The following DSCAM variants were observed in gnomAD, a reference collection of about 807,000 sequenced individuals.
DSCAM encodes the protein cell adhesion molecule DSCAM.
DSCAM carries 47 observed loss-of-function variants against 217.7 expected under a neutral mutation model. That is an observed-to-expected ratio of 0.22 (90% confidence interval 0.17 to 0.28). DSCAM has a LOEUF of 0.28. Among genes scored for constraint, DSCAM ranks in the 10% least tolerant of loss-of-function variants. DSCAM has a pLI of 1.00. For missense variants in DSCAM, 2,080 were observed against 2,618.3 expected (o/e 0.79, Z 4.49); for synonymous variants, 1,056 against 1,015.3 (o/e 1.04, Z -0.76).
chr21:40,428,398 G>A (rs1244130695), intron 3 of DSCAM, among the ~76,000 whole-genome samples: 1 of 151,856 alleles, frequency 6.6e-6, no homozygotes, highest in East Asian at 1.9e-4. Flanking sequence ...AGCCTCCAGA[G>A]TAACTGGGAT....
intron 3 of DSCAM, among the ~76,000 whole-genome samples, chr21:40,462,194 A>C (rs1005474566): frequency 6.6e-6 from 1 of 152,210 alleles, no homozygotes; most frequent in African/African-American, 2.4e-5. Flanking sequence ...GGAATATAGG[A>C]GATCCCAGCC....
chr21:40,380,207 G>A lies in DSCAM; in HGVS notation c.509-10962C>T, dbSNP rs576235653. On this transcript the variant is annotated intron_variant, in intron 3 of 32. Coordinates refer to ENST00000400454, the MANE Select transcript of DSCAM (RefSeq NM_001389.5). ...TATACCTAATTACCCTATTTAGTTTGTTAATGATCAGATCTTTGTGCAGAT... is the reference window on the plus strand; with the variant it reads ...TATACCTAATTACCCTATTTAGTTTATTAATGATCAGATCTTTGTGCAGAT... 2.0e-5 allele frequency among the ~76,000 whole-genome samples: 3 copies of A among 152,302 alleles called. No individual in the cohort carries two copies. In the South Asian group the frequency reaches 6.2e-4, roughly 32 times the overall value.
intron 11 of DSCAM, among the ~76,000 whole-genome samples, chr21:40,239,229 G>A (rs920856669): frequency 1.2e-4 from 18 of 152,090 alleles, no homozygotes; most frequent in African/African-American, 4.1e-4. Context: ...CAAAGAACAG[G>A]AAAATTAGTT....
chr21:40,510,154 C>T (rs895644394), intron 3 of DSCAM, among the ~76,000 whole-genome samples: 14 of 152,078 alleles, frequency 9.2e-5, no homozygotes, highest in African/African-American at 2.9e-4. Context: ...TGTCCCCCCC[C>T]AAAGCACTCT....
chr21:40,196,037 G>A (rs575805738), intron 11 of DSCAM, among the ~76,000 whole-genome samples: 17 of 152,230 alleles, frequency 1.1e-4, no homozygotes, highest in African/African-American at 4.1e-4. Context: ...ATACATCAGC[G>A]TGGGTCTCAA....
rs73904716 is a variant in DSCAM, at chr21:40,179,890, G to T, written c.2780-796C>A. Among the ~76,000 whole-genome samples, 5 of 152,312 alleles carry T rather than the reference G, an allele frequency of 3.3e-5. No homozygotes were observed. The East Asian group carries it at 7.7e-4, about 24-fold the overall frequency. ...GTTTGGGCAGTTGTTGACTGTAGGT[G>T]TGTGGTCGACAGCTGGTATTGGCTG... On this transcript the variant is annotated intron_variant, in intron 14 of 32. Transcript: ENST00000400454.
At chr21:40,595,632 T>C (rs1427773624) in intron 3 of DSCAM, among the ~76,000 whole-genome samples, 1 of 152,068 alleles carries the variant, frequency 6.6e-6, no homozygotes, top group Non-Finnish European at 1.5e-5. Flanking sequence ...CTTCTGAACC[T>C]CCTCACATAA....
At position 40,824,403 on chromosome 21, in the gene DSCAM, A is replaced by ATTTTTTTT. The variant is rs536114434; in HGVS notation, c.43+22208_43+22215dup. ...GCTCCCTATCCCATTTTTATTATTG[A>ATTTTTTTT]TTTTTTTTTTTTTTTTTGGAGACAG... On this transcript the variant is annotated intron_variant, in intron 1 of 32. Coordinates refer to ENST00000400454, the MANE Select transcript of DSCAM (RefSeq NM_001389.5). 3.6e-4 allele frequency among the ~76,000 whole-genome samples: 43 copies of ATTTTTTTT among 121,006 alleles called. 2 individuals carry two copies. Among genetic ancestry groups the ATTTTTTTT allele is most frequent in the African/African-American group, 1.4e-3 (40 of 28,726 alleles). 79.4% of individuals were successfully genotyped at this position (121,006 alleles called of 152,430 possible).
At chr21:40,777,148 C>T (rs2091495254) in intron 1 of DSCAM, among the ~76,000 whole-genome samples, 1 of 152,210 alleles carries the variant, frequency 6.6e-6, no homozygotes, top group East Asian at 1.9e-4. Context: ...TCATAGTTGG[C>T]GCCTTCATGC....
chr21:40,368,676 C>A (rs1291932386), intron 4 of DSCAM, among the ~76,000 whole-genome samples: 1 of 152,220 alleles, frequency 6.6e-6, no homozygotes, highest in Non-Finnish European at 1.5e-5. Context: ...TTGGTCACTT[C>A]CATCTCACTA....
At chr21:40,762,978 C>A (rs557065121) in intron 1 of DSCAM, among the ~76,000 whole-genome samples, 3 of 152,276 alleles carry the variant, frequency 2.0e-5, no homozygotes, top group East Asian at 1.9e-4. Context: ...AAACCCATAG[C>A]CAATATCATA....
intron 6 of DSCAM, 84 bp from the exon 7 acceptor site, chr21:40,339,499 G>C (rs1482178076): frequency 1.5e-6 from 2 of 1,317,600 alleles, no homozygotes; most frequent in Non-Finnish European, 2.0e-6. Flanking sequence ...TGTCTAGGGG[G>C]TAAATGTCGT....
At chr21:40,818,928 TA>T in intron 1 of DSCAM, among the ~76,000 whole-genome samples, 1 of 152,170 alleles carries the variant, frequency 6.6e-6, no homozygotes, top group East Asian at 1.9e-4. Flanking sequence ...GGCTTTAAAA[TA>T]AAATTTAGAT....
At chr21:40,290,686 A>C (rs1054800653) in intron 10 of DSCAM, among the ~76,000 whole-genome samples, 1 of 152,238 alleles carries the variant, frequency 6.6e-6, no homozygotes, top group Non-Finnish European at 1.5e-5. Context: ...AGAACCAAAA[A>C]GATTAAGTTC....
At chr21:40,507,094 T>C (rs1366012981) in intron 3 of DSCAM, among the ~76,000 whole-genome samples, 1 of 152,082 alleles carries the variant, frequency 6.6e-6, no homozygotes, top group African/African-American at 2.4e-5. Context: ...CTGACCAACA[T>C]GGTGAAAACC....
At chr21:40,577,956 G>C (rs546503370) in intron 3 of DSCAM, among the ~76,000 whole-genome samples, 1 of 152,166 alleles carries the variant, frequency 6.6e-6, no homozygotes, top group Non-Finnish European at 1.5e-5. Context: ...CCTTGAGGAA[G>C]GGGCTGCCAG....
intron 1 of DSCAM, among the ~76,000 whole-genome samples, chr21:40,721,224 A>G (rs1022227085): frequency 2.6e-5 from 4 of 152,240 alleles, no homozygotes; most frequent in Non-Finnish European, 4.4e-5. Context: ...TAATTAATAG[A>G]AACCAACAAT....
At chr21:40,187,024 G>C (rs2090901814) in intron 14 of DSCAM, 107 bp downstream of exon 14, 1 of 1,388,232 alleles carries the variant, frequency 7.2e-7, no homozygotes, top group Non-Finnish European at 9.7e-7. Flanking sequence ...TGCCCTCTGA[G>C]CTCCTGTGAG....
Position 40,832,308 on chromosome 21 carries a change from C to T in DSCAM, c.43+14311G>A, listed in dbSNP as rs143355520. 1.9e-3 allele frequency among the ~76,000 whole-genome samples: 294 copies of T among 152,232 alleles called. 3 individuals carry two copies. The highest frequency in any genetic ancestry group is 0.018 in the East Asian group (91 of 5,176). ...TTGTAGCTAATAAACATAACGAGTG[C>T]GAATCAAATGGTCACTCAAGTGTCC... On this transcript the variant is annotated intron_variant, in intron 1 of 32. Transcript: ENST00000400454.
Sources: gnomAD v4.1 joint callset for allele counts (sites outside exome capture counted in the v4.1 genomes callset) on GRCh38, gnomAD v4.1.1 for gene constraint, MANE v1.5 for transcripts, NCBI Gene and HGNC (gene_info 2026-07-23, HGNC 2026-07-21) for gene names.